Variants in ARMH3 observed in about 807,000 individuals in gnomAD.
ARMH3 encodes the protein armadillo-like helical domain-containing protein 3.
A neutral mutation model predicts 99.1 loss-of-function variants in ARMH3; 60 were observed. That is an observed-to-expected ratio of 0.61 (90% CI 0.49 to 0.75). The LOEUF (loss-of-function observed/expected upper bound fraction) is 0.75, where lower values mean the gene tolerates loss of function less well. ARMH3 is among the 30% of genes least tolerant of loss of function. The pLI, the probability that ARMH3 is intolerant of heterozygous loss-of-function variation, is 0.00. For synonymous variants in ARMH3, 285 were observed against 292.8 expected (o/e 0.97, Z 0.27); for missense variants, 679 against 843.1 (o/e 0.81, Z 2.41).
chr10:101,897,957 T>C (rs1048731845), intron 23 of ARMH3, among the ~76,000 whole-genome samples: 31 of 152,182 alleles, frequency 2.0e-4, no homozygotes, highest in African/African-American at 7.5e-4. Flanking sequence ...CTCTGACTCA[T>C]GACTCTGCAA....
At chr10:101,945,443 C>G (rs1844470683) in intron 22 of ARMH3, among the ~76,000 whole-genome samples, 1 of 152,134 alleles carries the variant, frequency 6.6e-6, no homozygotes, top group Non-Finnish European at 1.5e-5. Flanking sequence ...TTAGGCTGGA[C>G]ACGGTGGCTC....
chr10:101,877,555 G>A (rs1163003691), intron 24 of ARMH3, among the ~76,000 whole-genome samples: 1 of 151,960 alleles, frequency 6.6e-6, no homozygotes, highest in Non-Finnish European at 1.5e-5. Flanking sequence ...AGCTATTCAG[G>A]TGAGACAGGA....
chr10:102,011,589 T>C lies in ARMH3; in HGVS notation c.831+134A>G, dbSNP rs1030697592. On this transcript the variant is annotated intron_variant, in intron 11 of 25. Transcript: ENST00000370033. ...AAAGGAAATACACTCCCCAAGAAAA[T>C]CTGCTCTGAGCAGCCTCTCTCTTGT... The C allele has an allele frequency of 2.4e-5, 15 of 619,914 alleles. 1 individual carries two copies. The allele number at this position is 619,914 out of a possible 1,614,324, so 38.4% of individuals were successfully genotyped here.
chr10:101,971,095 CAAAAAAAAAAA>C (rs71472590), intron 20 of ARMH3, among the ~76,000 whole-genome samples: 3 of 33,304 alleles, frequency 9.0e-5, no homozygotes, highest in East Asian at 7.8e-4. Context: ...AGACCGTCTC[CAAAAAAAAAAA>C]AAAAAAAAAA....
chr10:102,023,812 C>G, intron 6 of ARMH3, 63 bp from the exon 7 acceptor site: 1 of 1,432,460 alleles, frequency 7.0e-7, no homozygotes, highest in East Asian at 2.3e-5. Context: ...TGTGTAATCT[C>G]CTCCCCTAAC....
At chr10:101,880,094 T>G (rs1186233373) in intron 24 of ARMH3, among the ~76,000 whole-genome samples, 2 of 152,180 alleles carry the variant, frequency 1.3e-5, no homozygotes, top group Non-Finnish European at 2.9e-5. Flanking sequence ...ATGCTCACAC[T>G]CGAGAATTCG....
At position 102,006,558 on chromosome 10, in the gene ARMH3, T is replaced by A; in HGVS notation, c.1030A>T (p.Thr344Ser). Residue 344 changes from threonine (T) to serine (S), a missense_variant, in exon 14 of 26, where the codon ACA (threonine) becomes TCA (serine). By Grantham distance (58) the Thr-to-Ser change is moderately conservative. Transcript: ENST00000370033. ...GGCTCACCATCAGAGGAAGGCGGTG[T>A]GGTCCCAAGTGGTGTGACTGGGGTT... is the stretch of plus-strand genomic sequence containing the variant. ...PTTPVTPLGT[T>S]PPSSDVISSV... 2 of 1,613,846 alleles carry A rather than the reference T, an allele frequency of 1.2e-6. No individual in the cohort carries two copies. Among genetic ancestry groups the A allele is most frequent in the Non-Finnish European group, 1.7e-6 (2 of 1,179,802 alleles).
At chr10:101,947,756 TG>T (rs1165971481) in intron 22 of ARMH3, among the ~76,000 whole-genome samples, 3 of 151,548 alleles carry the variant, frequency 2.0e-5, no homozygotes, top group Non-Finnish European at 4.4e-5. Context: ...GCCGAGATCA[TG>T]CCATTGCACT....
In ARMH3 at chr10:101,847,312, A is replaced by ATTC; in HGVS notation, c.*215_*216insGAA. On this transcript the variant is annotated 3_prime_UTR_variant, in exon 26 of 26. Coordinates refer to ENST00000370033, the MANE Select transcript of ARMH3 (RefSeq NM_024541.3). ...CCCACATTCCTGGAGGCCTCTCCCC[A>ATTC]CTGTGCCCACCCATTCCTCCCCAAA... is the stretch of plus-strand genomic sequence containing the variant. 1.9e-6 allele frequency: 1 copy of ATTC among 517,620 alleles called. No homozygotes were observed. Among genetic ancestry groups the ATTC allele is most frequent in the Non-Finnish European group, 3.5e-6 (1 of 286,100 alleles). 32.1% of individuals were successfully genotyped at this position (517,620 alleles called of 1,614,324 possible).
rs2066441692 is a variant in ARMH3, at chr10:102,004,653, ATATCCATGG to A, written c.1048+1878_1048+1886del. On this transcript the variant is annotated intron_variant, in intron 14 of 25. Transcript: ENST00000370033. ...CTCATATATATATATATGGCTTTTG[ATATCCATGG>A]TAACCAGGCAGGGTTCATTCTTAAA... Among the ~76,000 whole-genome samples the A allele has an allele frequency of 2.6e-5, 4 of 152,320 alleles. No homozygotes were observed. The South Asian group carries it at 8.3e-4, about 32-fold the overall frequency.
At chr10:101,878,331 ATAAG>A (rs1589953350) in intron 24 of ARMH3, among the ~76,000 whole-genome samples, 1 of 152,136 alleles carries the variant, frequency 6.6e-6, no homozygotes, top group Non-Finnish European at 1.5e-5. Context: ...ATCTACCAAA[ATAAG>A]TAAGTAAAAA....
chr10:101,859,921 C>T (rs1038015104), intron 24 of ARMH3, among the ~76,000 whole-genome samples: 17 of 152,108 alleles, frequency 1.1e-4, no homozygotes, highest in African/African-American at 4.1e-4. Flanking sequence ...CTCAAAGAGA[C>T]ACAGTGACCA....
At chr10:101,890,672 A>G (rs889073935) in intron 23 of ARMH3, among the ~76,000 whole-genome samples, 9 of 152,210 alleles carry the variant, frequency 5.9e-5, no homozygotes, top group African/African-American at 2.2e-4. Context: ...TAGAGTAGCA[A>G]ATGGGAAACA....
intron 24 of ARMH3, among the ~76,000 whole-genome samples, chr10:101,852,175 A>C (rs1179393019): frequency 2.6e-5 from 4 of 152,224 alleles, no homozygotes; most frequent in Non-Finnish European, 5.9e-5. Flanking sequence ...CAAGTGCCAA[A>C]GGACAAACAT....
intron 24 of ARMH3, among the ~76,000 whole-genome samples, chr10:101,883,336 G>A (rs1458079940): frequency 6.6e-6 from 1 of 152,012 alleles, no homozygotes; most frequent in Non-Finnish European, 1.5e-5. Flanking sequence ...AGGATCGCTT[G>A]AACCTAGGAG....
At chr10:101,869,182 T>C (rs79839205) in intron 24 of ARMH3, among the ~76,000 whole-genome samples, 8,773 of 152,198 alleles carry the variant, frequency 0.058, 269 homozygotes, top group African/African-American at 0.068. Context: ...GGCCAGTGCC[T>C]CTAACTTGGG....
At chr10:102,050,669 C>T (rs1275480287) in intron 1 of ARMH3, among the ~76,000 whole-genome samples, 1 of 151,788 alleles carries the variant, frequency 6.6e-6, no homozygotes, top group African/African-American at 2.4e-5. Flanking sequence ...ACCAGCCTGG[C>T]CAACATGGTA....
At chr10:101,886,480 A>C (rs1400990807) in intron 24 of ARMH3, among the ~76,000 whole-genome samples, 2 of 152,188 alleles carry the variant, frequency 1.3e-5, no homozygotes, top group African/African-American at 2.4e-5. Flanking sequence ...ACTGTACTCC[A>C]GCCTGGGTGA....
At chr10:101,856,478 C>G (rs1359903293) in intron 24 of ARMH3, among the ~76,000 whole-genome samples, 2 of 151,986 alleles carry the variant, frequency 1.3e-5, no homozygotes, top group African/African-American at 4.8e-5. Context: ...TATCTCAAGG[C>G]TAATCTTCCA....
Sources: gnomAD v4.1 joint callset for allele counts (sites outside exome capture counted in the v4.1 genomes callset) on GRCh38, gnomAD v4.1.1 for gene constraint, MANE v1.5 for transcripts, NCBI Gene and HGNC (gene_info 2026-07-23, HGNC 2026-07-21) for gene names.